PDE8B: variants seen among roughly 807,000 people sequenced by gnomAD.
PDE8B encodes the protein phosphodiesterase 8B.
A neutral mutation model predicts 101.3 loss-of-function variants in PDE8B; 26 were observed. The ratio of observed to expected loss-of-function variants is 0.26; its 90% confidence interval spans 0.19 to 0.36. The LOEUF (loss-of-function observed/expected upper bound fraction) is 0.36, where lower values mean the gene tolerates loss of function less well. Among genes scored for constraint, PDE8B ranks in the 10% least tolerant of loss-of-function variants. The pLI is 1.00. For synonymous variants in PDE8B, 424 were observed against 429.3 expected (o/e 0.99, Z 0.15); for missense variants, 810 against 1,163.1 (o/e 0.70, Z 4.42).
At chr5:77,423,642 T>G (rs1432959307) in intron 20 of PDE8B, among the ~76,000 whole-genome samples, 11 of 124,018 alleles carry the variant, frequency 8.9e-5, no homozygotes, top group Admixed American at 1.6e-4. Context: ...GTTTTTTTTT[T>G]TTTTTTTTTT....
At chr5:77,354,886 T>C (rs1781791135) in intron 10 of PDE8B, among the ~76,000 whole-genome samples, 1 of 152,204 alleles carries the variant, frequency 6.6e-6, no homozygotes, top group Admixed American at 6.5e-5. Context: ...ATCACCTTCT[T>C]TCTGAAGGCC....
At chr5:77,137,133 C>T in the PDE8B span, among the ~76,000 whole-genome samples, 5 of 152,144 alleles carry the variant, frequency 3.3e-5, no homozygotes, top group East Asian at 1.9e-4. Context: ...TTGTGATGTG[C>T]GCTTCTGTTT....
At chr5:77,146,501 C>T in the PDE8B span, 27 of 165,086 alleles carry the variant, frequency 1.6e-4, no homozygotes, top group African/African-American at 5.3e-4. Flanking sequence ...AGAGAGAGCA[C>T]GGGGGCAAGT....
chr5:77,369,182 G>C (rs373755280), intron 10 of PDE8B, among the ~76,000 whole-genome samples: 1 of 120,164 alleles, frequency 8.3e-6, no homozygotes, highest in Non-Finnish European at 1.6e-5. Context: ...CAGCCTATGC[G>C]ACAGAGCGAG....
At chr5:77,404,086 C>G (rs1459794157) in intron 11 of PDE8B, among the ~76,000 whole-genome samples, 1 of 152,200 alleles carries the variant, frequency 6.6e-6, no homozygotes, top group African/African-American at 2.4e-5. Context: ...GTGCTGGGTT[C>G]AAGCGAGTCT....
intron 14 of PDE8B, among the ~76,000 whole-genome samples, chr5:77,410,226 G>A (rs567458430): frequency 2.6e-5 from 4 of 152,396 alleles, no homozygotes; most frequent in East Asian, 1.9e-4. Context: ...CTTGCAGAGC[G>A]GGGCTACCCC....
In PDE8B at chr5:77,269,089, C is replaced by T. The variant is rs532303925; in HGVS notation, c.340-42905C>T. ...GTTGTACTGTAATAATTTACATTCC[C>T]ACCAACAGTGTACGAGGGTTCCCTT... On this transcript the variant is annotated intron_variant, in intron 1 of 21. Transcript: ENST00000264917. Among the ~76,000 whole-genome samples the T allele has an allele frequency of 6.6e-5, 10 of 152,028 alleles. No individual in the cohort carries two copies. In the South Asian group the frequency reaches 1.9e-3, roughly 28 times the overall value.
the PDE8B span, among the ~76,000 whole-genome samples, chr5:77,097,179 G>A: frequency 6.6e-4 from 101 of 152,274 alleles, no homozygotes; most frequent in African/African-American, 2.3e-3. Flanking sequence ...GAGAGAAGGC[G>A]AAGGAGGAAG....
chr5:77,309,575 C>T lies in PDE8B; in HGVS notation c.340-2419C>T, dbSNP rs191385193. On this transcript the variant is annotated intron_variant, in intron 1 of 21. Coordinates refer to ENST00000264917, the MANE Select transcript of PDE8B (RefSeq NM_003719.5). ...AACTCAAGAGAGATCACAGGGCAAG[C>T]GAAAAGGTACCCTGGCTTATCAAAT... Among the ~76,000 whole-genome samples the T allele has an allele frequency of 4.6e-5, 7 of 151,930 alleles. No homozygotes were observed. The South Asian group carries it at 8.3e-4, about 18-fold the overall frequency.
At chr5:77,340,687 G>A (rs1779071658) in intron 6 of PDE8B, among the ~76,000 whole-genome samples, 1 of 151,332 alleles carries the variant, frequency 6.6e-6, no homozygotes, top group African/African-American at 2.4e-5. Context: ...AGGGACACAG[G>A]AGATAATGTA....
At chr5:77,266,420 G>A (rs7714529) in intron 1 of PDE8B, among the ~76,000 whole-genome samples, 56,554 of 152,020 alleles carry the variant, frequency 0.37, 12,351 homozygotes, top group African/African-American at 0.61. Context: ...TGGCCCCCCA[G>A]CCATAGTGCT....
the PDE8B span, among the ~76,000 whole-genome samples, chr5:77,187,395 T>C: frequency 6.6e-6 from 1 of 152,194 alleles, no homozygotes; most frequent in Non-Finnish European, 1.5e-5. Flanking sequence ...TGTTTCAATA[T>C]TGAGAGATGT....
chr5:77,214,323 T>C (rs931745139), intron 1 of PDE8B, among the ~76,000 whole-genome samples: 2 of 152,222 alleles, frequency 1.3e-5, no homozygotes, highest in Non-Finnish European at 2.9e-5. Context: ...GTTCACTCTT[T>C]TGTGGATCAG....
the PDE8B span, among the ~76,000 whole-genome samples, chr5:77,156,323 C>A: frequency 6.6e-6 from 1 of 151,964 alleles, no homozygotes; most frequent in Non-Finnish European, 1.5e-5. Context: ...AATATAAGGC[C>A]CTAGATTGCA....
chr5:77,388,612 C>T (rs945401707), intron 10 of PDE8B, among the ~76,000 whole-genome samples: 16 of 152,164 alleles, frequency 1.1e-4, no homozygotes, highest in African/African-American at 2.7e-4. Context: ...CTGGGAGATC[C>T]GCTGCTCTCC....
chr5:77,280,435 GA>G (rs1162832166), intron 1 of PDE8B, among the ~76,000 whole-genome samples: 1 of 152,098 alleles, frequency 6.6e-6, no homozygotes, highest in Non-Finnish European at 1.5e-5. Context: ...CAAATTTCTG[GA>G]AAAATAGTTT....
intron 10 of PDE8B, among the ~76,000 whole-genome samples, chr5:77,372,652 G>T (rs1356699278): frequency 6.6e-6 from 1 of 152,234 alleles, no homozygotes; most frequent in Non-Finnish European, 1.5e-5. Context: ...CAGGTGAGTT[G>T]TAGTTTTCAG....
upstream of PDE8B, among the ~76,000 whole-genome samples, chr5:77,210,057 A>G (rs1241715846): frequency 2.6e-5 from 4 of 152,072 alleles, no homozygotes; most frequent in African/African-American, 9.7e-5. The surrounding 1 kb of genome is among the most constrained non-coding windows in gnomAD (Gnocchi z 4.9). Flanking sequence ...GTGTGTTGAG[A>G]GGCAAGCAAA....
intron 10 of PDE8B, among the ~76,000 whole-genome samples, chr5:77,375,864 T>C (rs1785979304): frequency 1.3e-5 from 2 of 151,810 alleles, no homozygotes; most frequent in African/African-American, 2.4e-5. Flanking sequence ...ACAGGAGTGT[T>C]AATACTCACT....
Sources: allele counts gnomAD v4.1 joint callset (sites outside exome capture counted in the v4.1 genomes callset), GRCh38; gene constraint gnomAD v4.1.1; non-coding constraint Gnocchi (gnomAD v3.1); transcripts MANE v1.5; gene names NCBI Gene and HGNC (gene_info 2026-07-23, HGNC 2026-07-21).